MAPT: variants seen among roughly 807,000 people sequenced by gnomAD.
The protein encoded by MAPT is microtubule-associated protein tau.
A neutral mutation model predicts 67.9 loss-of-function variants in MAPT; 34 were observed. The ratio of observed to expected loss-of-function variants is 0.50; its 90% CI spans 0.38 to 0.67. MAPT has a LOEUF of 0.67. Among genes scored for constraint, MAPT ranks in the 30% least tolerant of loss-of-function variants. The probability of loss-of-function intolerance (pLI) is 0.00; values close to 1 mark genes in which losing one functional copy is unlikely to be tolerated. For missense variants in MAPT, 881 were observed against 1,115.2 expected, an observed-to-expected ratio of 0.79 and a Z score of 2.99; for synonymous variants, 456 against 464.5, an observed-to-expected ratio of 0.98 and a Z score of 0.23.
At chr17:45,991,612 T>C (rs1294069139) in intron 8 of MAPT, 26 bp downstream of exon 8, 1 of 1,613,944 alleles carries the variant, frequency 6.2e-7, no homozygotes, top group Admixed American at 1.7e-5. Flanking sequence ...TCTTGAATCT[T>C]AGAGGAAGCT....
At chr17:45,957,313 C>T (rs1382341164) in intron 1 of MAPT, among the ~76,000 whole-genome samples, 1 of 152,174 alleles carries the variant, frequency 6.6e-6, no homozygotes, top group Admixed American at 6.5e-5. Flanking sequence ...GATGTTATCT[C>T]ATGGTGGTTT....
intron 1 of MAPT, among the ~76,000 whole-genome samples, chr17:45,953,500 A>G (rs1568226016): frequency 6.6e-6 from 1 of 152,230 alleles, no homozygotes. Context: ...CTCCCTGCTT[A>G]GAGATTCTTC....
intron 1 of MAPT, among the ~76,000 whole-genome samples, chr17:45,951,326 C>G (rs1480113970): frequency 6.6e-6 from 1 of 152,172 alleles, no homozygotes; most frequent in Non-Finnish European, 1.5e-5. Flanking sequence ...GCCACTGAAT[C>G]ATTCATTTTA....
At position 45,955,897 on chromosome 17, in the gene MAPT, G is replaced by A. The variant is rs145818305; in HGVS notation, c.-17-6424G>A. On this transcript the variant is annotated intron_variant, in intron 1 of 12. Coordinates refer to ENST00000262410, the MANE Select transcript of MAPT (RefSeq NM_001377265.1). Reference sequence around the variant, plus strand: ...ATTACAGGTACACTCCACCATGCCCGGCTAATTTTTGTGTTTTTAGTAGAG... The same window carrying A: ...ATTACAGGTACACTCCACCATGCCCAGCTAATTTTTGTGTTTTTAGTAGAG... Among the ~76,000 whole-genome samples the A allele has an allele frequency of 2.8e-4, 42 of 152,218 alleles. 1 individual carries two copies. In the East Asian group the frequency reaches 6.6e-3, roughly 24 times the overall value.
chr17:45,900,480 T>C (rs28646281), intron 1 of MAPT, among the ~76,000 whole-genome samples: 1 of 152,042 alleles, frequency 6.6e-6, no homozygotes, highest in African/African-American at 2.4e-5. Context: ...ACAACTTCCA[T>C]GTATAGTCCC....
rs1161215258 is a variant in MAPT at position 45,964,365 on chromosome 17, A to ACC, written c.133+1899_133+1900dup. On this transcript the variant is annotated intron_variant, in intron 2 of 12. Transcript: ENST00000262410. ...AATGCTATCCCTCCCCCCTCCCCCC[A>ACC]CCCCCTGTTTTCTCCTTTGAATCCT... 7.1e-5 allele frequency among the ~76,000 whole-genome samples: 4 copies of ACC among 56,546 alleles called. No homozygotes were observed. The East Asian group carries it at 1.8e-3, about 26-fold the overall frequency. 37.1% of individuals were successfully genotyped at this position (56,546 alleles called of 152,430 possible).
In MAPT at chr17:46,024,421, AC is replaced by A. The variant is rs1451772943; in HGVS notation, c.*251del. 20 of 576,774 alleles carry A rather than the reference AC, an allele frequency of 3.5e-5. No individual in the cohort carries two copies. The highest frequency in any genetic ancestry group is 5.3e-5 in the Non-Finnish European group (17 of 322,806). 35.7% of individuals were successfully genotyped at this position (576,774 alleles called of 1,614,324 possible). On this transcript the variant is annotated 3_prime_UTR_variant, in exon 13 of 13. Transcript: ENST00000262410. ...CTAGTAATAAAATATTTAAAAAAAA[AC>A]ATTCAAAAACATGGCCACATCCAAC...
At chr17:45,902,746 C>A (rs887366612) in intron 1 of MAPT, among the ~76,000 whole-genome samples, 57 of 152,318 alleles carry the variant, frequency 3.7e-4, no homozygotes, top group African/African-American at 1.3e-3. Flanking sequence ...TATATTAACT[C>A]CCCTGAGGAA....
At chr17:46,002,584 T>A (rs139925450) in intron 9 of MAPT, among the ~76,000 whole-genome samples, 1 of 151,896 alleles carries the variant, frequency 6.6e-6, no homozygotes, top group East Asian at 1.9e-4. Context: ...TCCAGGCCAA[T>A]AGTTGGGATG....
At chr17:45,994,090 G>A in intron 8 of MAPT, 1 of 1,019,764 alleles carries the variant, frequency 9.8e-7, no homozygotes, top group Non-Finnish European at 1.4e-6. Context: ...GGTTCACACA[G>A]GGTTCGCAGC....
intron 9 of MAPT, among the ~76,000 whole-genome samples, chr17:46,005,978 A>G (rs953865339): frequency 1.3e-5 from 2 of 152,206 alleles, no homozygotes; most frequent in Non-Finnish European, 2.9e-5. Flanking sequence ...CGAGCCTCAC[A>G]TGGCCTCCTT....
intron 9 of MAPT, among the ~76,000 whole-genome samples, chr17:46,005,037 G>A (rs564917487): frequency 5.9e-5 from 9 of 152,308 alleles, no homozygotes; most frequent in Admixed American, 2.6e-4. Flanking sequence ...GCCTGCCTCG[G>A]CCTCCCAAAG....
chr17:45,999,789 A>G, intron 9 of MAPT: 2 of 863,160 alleles, frequency 2.3e-6, no homozygotes, highest in Non-Finnish European at 3.5e-6. Context: ...ATTTTGGGGG[A>G]CGAAGTGTGG....
At chr17:46,001,644 C>T (rs1329143862) in intron 9 of MAPT, among the ~76,000 whole-genome samples, 2 of 152,194 alleles carry the variant, frequency 1.3e-5, no homozygotes, top group Non-Finnish European at 2.9e-5. Context: ...GCCTGGGCAA[C>T]ACAGTGAGAC....
At chr17:46,013,492 C>T (rs62062268) in intron 10 of MAPT, among the ~76,000 whole-genome samples, 21,788 of 152,226 alleles carry the variant, frequency 0.14, 2,119 homozygotes, top group Non-Finnish European at 0.22. Context: ...TGTCTGCGTC[C>T]GCTCGAGCTT....
At chr17:46,019,935 C>G (rs2076416686) in intron 12 of MAPT, among the ~76,000 whole-genome samples, 1 of 151,020 alleles carries the variant, frequency 6.6e-6, no homozygotes, top group African/African-American at 2.4e-5. Flanking sequence ...TTGCTTGAAC[C>G]CAGGGGACAG....
chr17:45,937,678 T>C (rs1368955319), intron 1 of MAPT, among the ~76,000 whole-genome samples: 1 of 130,868 alleles, frequency 7.6e-6, no homozygotes, highest in Non-Finnish European at 1.6e-5. Flanking sequence ...CCCAGAAGAG[T>C]GTGGGGAGAG....
At chr17:45,910,172 G>A (rs2064661296) in intron 1 of MAPT, among the ~76,000 whole-genome samples, 3 of 152,318 alleles carry the variant, frequency 2.0e-5, no homozygotes, top group Middle Eastern at 6.8e-3. Context: ...CACTTGGGTA[G>A]CCCACACGAT....
At chr17:45,951,443 C>T (rs2069067308) in intron 1 of MAPT, among the ~76,000 whole-genome samples, 1 of 152,176 alleles carries the variant, frequency 6.6e-6, no homozygotes, top group Non-Finnish European at 1.5e-5. Flanking sequence ...GATTCGATTC[C>T]ATGGCTCATC....
Sources: allele counts gnomAD v4.1 joint callset (sites outside exome capture counted in the v4.1 genomes callset), GRCh38; gene constraint gnomAD v4.1.1; transcripts MANE v1.5; gene names NCBI Gene and HGNC (gene_info 2026-07-23, HGNC 2026-07-21).